Variants in PRKACB observed in about 807,000 individuals in gnomAD.
The protein encoded by PRKACB is cAMP-dependent protein kinase catalytic subunit beta.
Under a neutral mutation model 51.4 loss-of-function variants are expected in PRKACB, and 16 were observed. That is an observed-to-expected ratio of 0.31 (90% CI 0.21 to 0.47). PRKACB has a LOEUF of 0.47. Ranked by LOEUF, PRKACB falls within the 20% of genes least tolerant of loss-of-function variation. The pLI, the probability that PRKACB is intolerant of heterozygous loss-of-function variation, is 1.00. For synonymous variants in PRKACB, 147 were observed against 154.4 expected, an observed-to-expected ratio of 0.95 and a Z score of 0.35; for missense variants, 309 against 464.5, an observed-to-expected ratio of 0.67 and a Z score of 3.08.
intron 5 of PRKACB, among the ~76,000 whole-genome samples, chr1:84,192,819 G>A (rs1292146495): frequency 1.3e-5 from 2 of 152,172 alleles, no homozygotes; most frequent in Non-Finnish European, 2.9e-5. Flanking sequence ...ACCAGCTGGA[G>A]TCTCAGAAAA....
At chr1:84,095,030 A>G (rs985146464) in intron 1 of PRKACB, among the ~76,000 whole-genome samples, 2 of 152,080 alleles carry the variant, frequency 1.3e-5, no homozygotes, top group South Asian at 2.1e-4. Flanking sequence ...CCTAGGAGCA[A>G]TAGGCTATCC....
chr1:84,106,632 A>G (rs2100828135), intron 1 of PRKACB, among the ~76,000 whole-genome samples: 1 of 152,284 alleles, frequency 6.6e-6, no homozygotes, highest in South Asian at 2.1e-4. Flanking sequence ...AGAGCACTCC[A>G]TGCTCTTAGA....
At position 84,235,527 on chromosome 1, in the gene PRKACB, CA is replaced by C; in HGVS notation, c.*223del. The C allele has an allele frequency of 2.1e-6, 1 of 466,796 alleles. No individual in the cohort carries two copies. 28.9% of individuals were successfully genotyped at this position (466,796 alleles called of 1,614,324 possible). A position where few individuals can be genotyped will look rare whatever the true frequency, so the allele number is the denominator to read the frequency against. ...TCTGTGCCATAACACAGTACTAGAC[CA>C]CTTTCTTACTTCTCTTTGGGTTGTC... On this transcript the variant is annotated 3_prime_UTR_variant, in exon 10 of 10. Transcript: ENST00000370685.
intron 9 of PRKACB, among the ~76,000 whole-genome samples, chr1:84,233,241 A>C (rs546665867): frequency 2.8e-4 from 42 of 151,350 alleles, no homozygotes; most frequent in African/African-American, 8.7e-4. Context: ...GAATATTGGC[A>C]CCCACTCTCT....
At chr1:84,146,491 T>A (rs1387550522) in intron 1 of PRKACB, among the ~76,000 whole-genome samples, 1 of 151,954 alleles carries the variant, frequency 6.6e-6, no homozygotes. Context: ...AAACACAATT[T>A]TTATTTATTT....
intron 1 of PRKACB, among the ~76,000 whole-genome samples, chr1:84,078,574 G>T (rs1218026627): frequency 6.6e-6 from 1 of 152,232 alleles, no homozygotes; most frequent in Non-Finnish European, 1.5e-5. Flanking sequence ...GAACGCGAAG[G>T]GCCGGATGTG....
At chr1:84,185,977 CAAAG>C (rs549514563) in intron 5 of PRKACB, among the ~76,000 whole-genome samples, 1 of 152,000 alleles carries the variant, frequency 6.6e-6, no homozygotes, top group Non-Finnish European at 1.5e-5. Context: ...GTCTAGAAAA[CAAAG>C]AAAAGGTTGG....
At chr1:84,178,394 G>C (rs1662068553) in intron 1 of PRKACB, among the ~76,000 whole-genome samples, 1 of 151,936 alleles carries the variant, frequency 6.6e-6, no homozygotes, top group African/African-American at 2.4e-5. Context: ...AATGGGGAAA[G>C]TTTTAACTGG....
chr1:84,214,327 T>C lies in PRKACB; in HGVS notation c.1071+10T>C, dbSNP rs3729867. The C allele has an allele frequency of 2.5e-5, 39 of 1,555,538 alleles. No homozygotes were observed. In the African/African-American group the frequency reaches 4.3e-4, roughly 17 times the overall value. On this transcript the variant is annotated intron_variant, in intron 9 of 9. Transcript: ENST00000370685. ...TATTTACCAGAGGAAGGTGAGACTTTCTTTTTTAATTTAAAAGCTTTTTTA... is the reference window on the plus strand; with the variant it reads ...TATTTACCAGAGGAAGGTGAGACTTCCTTTTTTAATTTAAAAGCTTTTTTA...
Position 84,119,255 on chromosome 1 carries a change from A to C in PRKACB, c.46+40884A>C, listed in dbSNP as rs547525785. Among the ~76,000 whole-genome samples the C allele has an allele frequency of 1.1e-4, 16 of 152,302 alleles. No homozygotes were observed. In the South Asian group the frequency reaches 3.1e-3, roughly 30 times the overall value. On this transcript the variant is annotated intron_variant, in intron 1 of 8. Transcript: ENST00000370688. The stretch of plus-strand genomic sequence containing the variant: ...CTTGTCATCAGAAATACATATTCAA[A>C]TATCATAGAAGAGCATCTAGTGGGG...
chr1:84,156,927 C>T (rs1259729886), intron 1 of PRKACB, among the ~76,000 whole-genome samples: 1 of 152,120 alleles, frequency 6.6e-6, no homozygotes, highest in Non-Finnish European at 1.5e-5. Flanking sequence ...CTTTACCTGC[C>T]TGGCCTCTGT....
chr1:84,228,529 A>G (rs1288030825), intron 9 of PRKACB, among the ~76,000 whole-genome samples: 1 of 148,498 alleles, frequency 6.7e-6, no homozygotes, highest in Non-Finnish European at 1.5e-5. Context: ...TTTTTTTTTT[A>G]GCTTTTAAAA....
At chr1:84,134,188 C>T (rs1332697026) in intron 1 of PRKACB, among the ~76,000 whole-genome samples, 1 of 152,206 alleles carries the variant, frequency 6.6e-6, no homozygotes, top group African/African-American at 2.4e-5. Context: ...TTGGCTGCTT[C>T]TCCTTCTCTG....
At chr1:84,201,387 A>C (rs1343722856) in intron 7 of PRKACB, among the ~76,000 whole-genome samples, 2 of 152,002 alleles carry the variant, frequency 1.3e-5, no homozygotes, top group African/African-American at 4.8e-5. Context: ...TTGTAATTTA[A>C]CATTTTTCTT....
intron 1 of PRKACB, among the ~76,000 whole-genome samples, chr1:84,102,082 T>C (rs2642184): frequency 0.18 from 27,552 of 151,968 alleles, 2,790 homozygotes; most frequent in South Asian, 0.25. Flanking sequence ...TTATTTAGAC[T>C]GAAAGGCTTA....
In PRKACB at chr1:84,145,096, TTA is replaced by T. The variant is rs368016133; in HGVS notation, c.187+551_187+552del. On this transcript the variant is annotated intron_variant, in intron 1 of 9. Coordinates refer to ENST00000370685, the MANE Select transcript of PRKACB (RefSeq NM_182948.4). Reference sequence around the variant, plus strand: ...TATAACATTATGGATATCAAAAACTTTATAATTATATTTTATGTTATTTATAC... The same window carrying T: ...TATAACATTATGGATATCAAAAACTTTAATTATATTTTATGTTATTTATAC... 5.7e-3 allele frequency among the ~76,000 whole-genome samples: 873 copies of T among 152,214 alleles called. 3 individuals are homozygous for T. Among genetic ancestry groups the T allele is most frequent in the Non-Finnish European group, 0.01 (704 of 67,946 alleles).
intron 1 of PRKACB, among the ~76,000 whole-genome samples, chr1:84,115,201 CTTT>C (rs200269757): frequency 7.0e-6 from 1 of 143,202 alleles, no homozygotes; most frequent in African/African-American, 2.6e-5. Flanking sequence ...ATATCTGCTA[CTTT>C]TTTTTTTTTT....
chr1:84,123,156 C>A (rs1360036427), intron 1 of PRKACB, among the ~76,000 whole-genome samples: 2 of 152,090 alleles, frequency 1.3e-5, no homozygotes, highest in Admixed American at 6.6e-5. Context: ...TTTCATAGTT[C>A]TAAAATGTGT....
chr1:84,177,057 G>C (rs1289296748), intron 1 of PRKACB, among the ~76,000 whole-genome samples: 1 of 151,912 alleles, frequency 6.6e-6, no homozygotes, highest in Non-Finnish European at 1.5e-5. Context: ...AGCTGAAACA[G>C]GATGTTAAAG....
Sources: allele counts gnomAD v4.1 joint callset (sites outside exome capture counted in the v4.1 genomes callset), GRCh38; gene constraint gnomAD v4.1.1; transcripts MANE v1.5; gene names NCBI Gene and HGNC (gene_info 2026-07-23, HGNC 2026-07-21).